Variants in GPHN observed in about 807,000 individuals in gnomAD.
The protein encoded by GPHN is gephyrin.
In GPHN, 17 loss-of-function variants were observed where a neutral mutation model predicts 95.5. That is an observed-to-expected ratio of 0.18 (90% CI 0.12 to 0.27). GPHN has a LOEUF of 0.27. GPHN is among the 10% of genes least tolerant of loss of function. The pLI, the probability that GPHN is intolerant of heterozygous loss-of-function variation, is 1.00. For missense variants in GPHN, 660 were observed against 978.1 expected, an observed-to-expected ratio of 0.67 and a Z score of 4.34; for synonymous variants, 320 against 322.5, an observed-to-expected ratio of 0.99 and a Z score of 0.08.
chr14:67,723,435 A>G, the GPHN span, among the ~76,000 whole-genome samples: 1 of 152,006 alleles, frequency 6.6e-6, no homozygotes, highest in East Asian at 1.9e-4. Flanking sequence ...GGGTCTCACT[A>G]TGTTGCCCAG....
chr14:66,710,407 A>G (rs2069505027), intron 2 of GPHN, among the ~76,000 whole-genome samples: 1 of 152,180 alleles, frequency 6.6e-6, no homozygotes, highest in Non-Finnish European at 1.5e-5. Context: ...ATCTTAGTCT[A>G]TGCATCATCA....
chr14:66,526,988 A>G (rs781422437), intron 1 of GPHN, among the ~76,000 whole-genome samples: 4 of 152,196 alleles, frequency 2.6e-5, no homozygotes, highest in Non-Finnish European at 5.9e-5. Flanking sequence ...TACTGTCCTC[A>G]TAAAATGAGT....
intron 1 of GPHN, among the ~76,000 whole-genome samples, chr14:66,524,740 A>G (rs1420495361): frequency 6.6e-6 from 1 of 152,018 alleles, no homozygotes; most frequent in Non-Finnish European, 1.5e-5. Flanking sequence ...GAGTGAGAAC[A>G]TGTGGTGTTT....
the GPHN span, chr14:67,397,703 A>G: frequency 1.9e-6 from 3 of 1,613,540 alleles, no homozygotes; most frequent in African/African-American, 1.3e-5. Context: ...GTGATGGTGC[A>G]GCCATCCAGG....
intron 1 of GPHN, among the ~76,000 whole-genome samples, chr14:66,659,567 A>G (rs1275586387): frequency 2.6e-5 from 4 of 151,752 alleles, no homozygotes; most frequent in African/African-American, 9.7e-5. Flanking sequence ...TTTTTCAGGT[A>G]TATCAGTTTT....
At chr14:66,694,368 G>A (rs915559932) in intron 2 of GPHN, among the ~76,000 whole-genome samples, 1 of 152,128 alleles carries the variant, frequency 6.6e-6, no homozygotes, top group Admixed American at 6.5e-5. Flanking sequence ...TTGTTTATCA[G>A]CCACCCAGTC....
chr14:67,604,748 T>C, the GPHN span, among the ~76,000 whole-genome samples: 4 of 152,186 alleles, frequency 2.6e-5, no homozygotes, highest in Non-Finnish European at 5.9e-5. Flanking sequence ...TATCTTTTTT[T>C]TCCCTAGAAG....
At chr14:67,280,004 T>A in the GPHN span, 79,287 of 152,922 alleles carry the variant, frequency 0.52, 23,741 homozygotes, top group African/African-American at 0.83. Flanking sequence ...TATCATAAAC[T>A]TAAAATAATG....
At chr14:66,584,283 T>G (rs534692775) in intron 1 of GPHN, among the ~76,000 whole-genome samples, 155 of 152,178 alleles carry the variant, frequency 1.0e-3, no homozygotes, top group Non-Finnish European at 1.8e-3. Flanking sequence ...TAAGGAGATT[T>G]TGGGCTGAGA....
intron 4 of GPHN, among the ~76,000 whole-genome samples, chr14:66,873,714 T>G (rs533221331): frequency 9.3e-4 from 142 of 152,258 alleles, no homozygotes; most frequent in African/African-American, 3.2e-3. Context: ...CCTCTCTAGA[T>G]TCCTTCTCTC....
chr14:66,536,848 C>G (rs1321174951), intron 1 of GPHN, among the ~76,000 whole-genome samples: 33 of 149,434 alleles, frequency 2.2e-4, no homozygotes, highest in Admixed American at 2.1e-3. Context: ...AGAGTAGTGT[C>G]TTAAAATTAT....
chr14:67,597,393 G>A, the GPHN span, among the ~76,000 whole-genome samples: 23 of 152,074 alleles, frequency 1.5e-4, no homozygotes, highest in East Asian at 1.4e-3. Context: ...TAAGAGGATC[G>A]CTTGAGTCCA....
chr14:67,106,985 T>G (rs1029612283), intron 13 of GPHN, among the ~76,000 whole-genome samples: 2 of 152,188 alleles, frequency 1.3e-5, no homozygotes, highest in African/African-American at 2.4e-5. Context: ...CGCCTGTAGT[T>G]GGGCTTTAGT....
intron 4 of GPHN, among the ~76,000 whole-genome samples, chr14:66,827,633 A>C (rs1190340210): frequency 6.6e-6 from 1 of 151,150 alleles, no homozygotes; most frequent in Non-Finnish European, 1.5e-5. Context: ...CCAAATGGAC[A>C]CATTTGATAG....
At chr14:66,880,434 A>T (rs1228006936) in intron 5 of GPHN, among the ~76,000 whole-genome samples, 1 of 151,920 alleles carries the variant, frequency 6.6e-6, no homozygotes, top group Non-Finnish European at 1.5e-5. Context: ...AAAAGTTATC[A>T]ATTCCTAACC....
chr14:67,271,149 G>A, the GPHN span: 4 of 152,188 alleles, frequency 2.6e-5, no homozygotes, highest in Admixed American at 6.5e-5. Context: ...CACTTAGCAG[G>A]TATCACGGCT....
At chr14:67,468,959 C>T in the GPHN span, among the ~76,000 whole-genome samples, 17 of 152,060 alleles carry the variant, frequency 1.1e-4, no homozygotes, top group East Asian at 2.5e-3. Context: ...TCTTCTCGCT[C>T]GGGGACCTGC....
chr14:66,695,582 A>G (rs942248828), intron 2 of GPHN, among the ~76,000 whole-genome samples: 1 of 152,226 alleles, frequency 6.6e-6, no homozygotes, highest in African/African-American at 2.4e-5. Flanking sequence ...AACTTTATAA[A>G]TGACAAAACT....
intron 2 of GPHN, among the ~76,000 whole-genome samples, chr14:66,764,028 G>A (rs958564113): frequency 6.6e-6 from 1 of 152,170 alleles, no homozygotes; most frequent in African/African-American, 2.4e-5. Context: ...CAAGCTCAGG[G>A]TTCCCACTGA....
Sources: gnomAD v4.1 joint callset for allele counts (sites outside exome capture counted in the v4.1 genomes callset) on GRCh38, gnomAD v4.1.1 for gene constraint, MANE v1.5 for transcripts, NCBI Gene and HGNC (gene_info 2026-07-23, HGNC 2026-07-21) for gene names.